The following DST variants were observed in gnomAD, a reference collection of about 807,000 sequenced individuals.
DST encodes the protein dystonin, also known as bullous pemphigoid antigen.
In DST, 253 loss-of-function variants were observed where a neutral mutation model predicts 875.2. The observed-to-expected ratio is 0.29, with a 90% confidence interval of 0.26 to 0.32. The LOEUF (loss-of-function observed/expected upper bound fraction) is 0.32, where lower values mean the gene tolerates loss of function less well. DST is among the 10% of genes least tolerant of loss of function. The probability of loss-of-function intolerance (pLI) is 1.00; values close to 1 mark genes in which losing one functional copy is unlikely to be tolerated. For missense variants in DST, 8,287 were observed against 9,111.6 expected, an observed-to-expected ratio of 0.91 and a Z score of 3.68; for synonymous variants, 3,124 against 3,197.1, an observed-to-expected ratio of 0.98 and a Z score of 0.77.
chr6:56,490,934 G>T (rs928468147), intron 85 of DST, among the ~76,000 whole-genome samples: 1 of 152,120 alleles, frequency 6.6e-6, no homozygotes, highest in Non-Finnish European at 1.5e-5. Flanking sequence ...AAATAAAATT[G>T]ATTAAATCGA....
At chr6:56,913,769 C>T (rs1031176649) in intron 2 of DST, among the ~76,000 whole-genome samples, 1 of 152,096 alleles carries the variant, frequency 6.6e-6, no homozygotes. Flanking sequence ...GCCTAATTTC[C>T]CTCTGGCAGC....
chr6:56,787,458 C>G (rs2099707439), intron 4 of DST, among the ~76,000 whole-genome samples: 1 of 152,132 alleles, frequency 6.6e-6, no homozygotes, highest in Admixed American at 6.5e-5. Flanking sequence ...TTCCTAGACA[C>G]TATACAAAAT....
At chr6:56,937,754 T>C (rs1813777045) in intron 2 of DST, among the ~76,000 whole-genome samples, 1 of 152,212 alleles carries the variant, frequency 6.6e-6, no homozygotes, top group Non-Finnish European at 1.5e-5. Context: ...GAAGCGCCAA[T>C]GTCCATCAAT....
At position 56,480,222 on chromosome 6, in the gene DST, A is replaced by T. The variant is rs901544674; in HGVS notation, c.21531+1828T>A. ...ATAACACCTACTTTTTAAATATCAT[A>T]ACTTAAATTATCATTTTCCCAATAC... On this transcript the variant is annotated intron_variant, in intron 90 of 103. Coordinates refer to ENST00000680361, the MANE Select transcript of DST (RefSeq NM_001374736.1). 2.0e-5 allele frequency among the ~76,000 whole-genome samples: 3 copies of T among 152,252 alleles called. No homozygotes were observed. The East Asian group carries it at 5.8e-4, about 29-fold the overall frequency.
At chr6:56,660,074 T>C (rs1210241465) in intron 10 of DST, among the ~76,000 whole-genome samples, 2 of 152,102 alleles carry the variant, frequency 1.3e-5, no homozygotes, top group African/African-American at 4.8e-5. Flanking sequence ...GAAAAGGTGG[T>C]GGGAGGAGGT....
chr6:56,619,128 T>A, intron 36 of DST: 1 of 1,613,602 alleles, frequency 6.2e-7, no homozygotes, highest in Non-Finnish European at 8.5e-7. Flanking sequence ...TCTGTTTTTG[T>A]CTGTTTATGC....
chr6:56,843,698 GGGAGGGA>G (rs1184932904), intron 4 of DST: 11 of 935,876 alleles, frequency 1.2e-5, no homozygotes, highest in Admixed American at 6.3e-5. Flanking sequence ...CGGGGAGAGA[GGGAGGGA>G]GGAGGGTGGA....
chr6:56,767,650 T>TAAATAAAA (rs1303317469), intron 4 of DST, among the ~76,000 whole-genome samples: 1 of 148,808 alleles, frequency 6.7e-6, no homozygotes, highest in African/African-American at 2.5e-5. Context: ...AATAAATAAA[T>TAAATAAAA]AAATAAAACA....
intron 98 of DST, 27 bp downstream of exon 98, chr6:56,468,955 T>G (rs1423345862): frequency 6.4e-7 from 1 of 1,559,500 alleles, no homozygotes; most frequent in African/African-American, 1.4e-5. Context: ...CATCAGGAAC[T>G]TGAGAATACA....
chr6:56,756,818 A>G (rs1178399737), intron 4 of DST, among the ~76,000 whole-genome samples: 1 of 152,228 alleles, frequency 6.6e-6, no homozygotes, highest in Non-Finnish European at 1.5e-5. Context: ...GCCATAAAAG[A>G]CAATATTTTC....
At chr6:56,571,884 G>A (rs901536943) in intron 53 of DST, among the ~76,000 whole-genome samples, 14 of 152,112 alleles carry the variant, frequency 9.2e-5, no homozygotes, top group Admixed American at 8.5e-4. Flanking sequence ...CCACTTTTAT[G>A]TAAGAAGTAT....
In DST at chr6:56,619,666, C is replaced by A. The variant is rs752446702; in HGVS notation, c.4929+4864G>T. ...TTTTCTTGAGATCACTAGCTTCTTG[C>A]ATGGCTTCTTCAGCTTTACCTGTGG... On this transcript the variant is annotated intron_variant, in intron 36 of 103. Transcript: ENST00000680361. 4 of 1,613,864 alleles carry A rather than the reference C, an allele frequency of 2.5e-6. No individual in the cohort carries two copies. The Admixed American group carries it at 5.0e-5, about 20-fold the overall frequency.
chr6:56,492,320 T>C lies in DST; in HGVS notation c.20664A>G (p.Leu6888=). 2 of 1,613,896 alleles carry C rather than the reference T, an allele frequency of 1.2e-6. No individual in the cohort carries two copies. The highest frequency in any genetic ancestry group is 8.5e-7 in the Non-Finnish European group (1 of 1,179,818). The change falls in exon 85 of 104, where the codon CTA becomes CTG. Residue 6888 remains leucine, a synonymous_variant. Transcript: ENST00000680361. ...CCCATCGACTTTGTACACTGATAAGTAGATTCTTGATTAGAACAACATCTT... is the reference window on the plus strand; with the variant it reads ...CCCATCGACTTTGTACACTGATAAGCAGATTCTTGATTAGAACAACATCTT... ...QKQDVVLIKN[L]LISVQSRWEK... is the part of the protein sequence containing the mutation.
chr6:56,625,014 A>C (rs1171803854), intron 35 of DST, 143 bp downstream of exon 35: 2 of 686,574 alleles, frequency 2.9e-6, no homozygotes, highest in Non-Finnish European at 5.2e-6. Flanking sequence ...GATATACTGC[A>C]ATGTCATTAA....
At position 56,604,555 on chromosome 6, in the gene DST, A is replaced by G; in HGVS notation, c.10073T>C (p.Ile3358Thr). ...ACCTTCTTTCAACCTGCTTTTTAAG[A>G]TATCCTTTACATCCTCCACAAATAC... is the stretch of plus-strand genomic sequence containing the variant. ...SQVFVEDVKD[I>T]LKSRLKEGHM... Residue 3358 changes from isoleucine to threonine, a missense_variant, in exon 40 of 104, where the codon ATC becomes ACC. Around this residue, in one of 10 missense-constraint regions of DST, gnomAD observed 3,138 missense variants for 3,116.6 expected, o/e 1.01. Coordinates refer to ENST00000680361, the MANE Select transcript of DST (RefSeq NM_001374736.1). The G allele has an allele frequency of 1.2e-6, 2 of 1,612,242 alleles. No individual in the cohort carries two copies. The highest frequency in any genetic ancestry group is 1.7e-6 in the Non-Finnish European group (2 of 1,179,002).
intron 90 of DST, among the ~76,000 whole-genome samples, chr6:56,478,293 G>T (rs1244812520): frequency 6.6e-6 from 1 of 152,108 alleles, no homozygotes; most frequent in Non-Finnish European, 1.5e-5. Context: ...AATGTTTGGG[G>T]GTATGGGAGA....
chr6:56,523,543 G>A (rs1013113161), intron 69 of DST, among the ~76,000 whole-genome samples: 2 of 152,164 alleles, frequency 1.3e-5, no homozygotes, highest in East Asian at 1.9e-4. Context: ...TACATTCTGC[G>A]ATTGTGGCTT....
chr6:56,617,417 A>T, intron 36 of DST: 2 of 1,611,162 alleles, frequency 1.2e-6, no homozygotes, highest in Non-Finnish European at 1.7e-6. Flanking sequence ...GTTCTTAGCT[A>T]TCTGTAACAG....
At chr6:56,573,645 A>C in intron 51 of DST, 34 bp downstream of exon 51, 1 of 1,542,832 alleles carries the variant, frequency 6.5e-7, no homozygotes, top group Non-Finnish European at 8.9e-7. Context: ...TTTTTAAAAA[A>C]CTGAAAATGG....
Sources: gnomAD v4.1 joint callset for allele counts (sites outside exome capture counted in the v4.1 genomes callset) on GRCh38, gnomAD v4.1.1 for gene constraint, gnomAD v4.1.1 regional missense constraint, MANE v1.5 for transcripts, NCBI Gene and HGNC (gene_info 2026-07-23, HGNC 2026-07-21) for gene names.